Variants in MRC2 observed in about 807,000 individuals in gnomAD.
MRC2 encodes the protein C-type mannose receptor 2.
A neutral mutation model predicts 206.2 loss-of-function variants in MRC2; 84 were observed. The ratio of observed to expected loss-of-function variants is 0.41; its 90% CI spans 0.34 to 0.49. MRC2 has a LOEUF of 0.49. Ranked by LOEUF, MRC2 falls within the 20% of genes least tolerant of loss-of-function variation. MRC2 has a pLI of 0.31. For synonymous variants in MRC2, 798 were observed against 800.0 expected (o/e 1.00, Z 0.04); for missense variants, 1,676 against 2,001.5 (o/e 0.84, Z 3.10).
chr17:62,635,756 C>T (rs2088305791), intron 1 of MRC2, among the ~76,000 whole-genome samples: 1 of 151,724 alleles, frequency 6.6e-6, no homozygotes, highest in African/African-American at 2.4e-5. Flanking sequence ...TTGAGACCAG[C>T]TGGGGCAACA....
At chr17:62,690,516 A>G in intron 26 of MRC2, 126 bp from the exon 27 acceptor site, 1 of 1,437,662 alleles carries the variant, frequency 7.0e-7, no homozygotes, top group Non-Finnish European at 9.4e-7. Context: ...ACACACACAC[A>G]CATGAATCCA....
In MRC2 at chr17:62,688,879, C is replaced by T. The variant is rs2089065502; in HGVS notation, c.3253C>T (p.Pro1085Ser). 3 of 1,612,946 alleles carry T rather than the reference C, an allele frequency of 1.9e-6. No individual in the cohort carries two copies. The highest frequency in any genetic ancestry group is 4.5e-5 in the East Asian group (2 of 44,878). ...CAGCTGTGCAGTGGTCCTGCACAGC[C>T]CCTCAGCCCACTTCACTGGCCGCTG... The part of the protein sequence containing the change: ...PTSCAVVLHS[P>S]SAHFTGRWDD... Residue 1085 changes from proline to serine, a missense_variant, in exon 23 of 30, where the codon CCC becomes TCC. Coordinates refer to ENST00000303375, the MANE Select transcript of MRC2 (RefSeq NM_006039.5).
At chr17:62,690,880 A>T (rs1000763663) in intron 27 of MRC2, 69 bp from the exon 28 acceptor site, 1 of 1,494,472 alleles carries the variant, frequency 6.7e-7, no homozygotes, top group African/African-American at 1.4e-5. Flanking sequence ...GTTCTAGAAC[A>T]CACCTGCTCT....
At chr17:62,681,965 C>T (rs371286514) in intron 19 of MRC2, 28 bp downstream of exon 19, 1 of 1,591,896 alleles carries the variant, frequency 6.3e-7, no homozygotes, top group Non-Finnish European at 8.6e-7. Flanking sequence ...GCAGAGTGCG[C>T]AGTCAGCTGT....
chr17:62,651,195 T>C (rs2088551828), intron 1 of MRC2, among the ~76,000 whole-genome samples: 1 of 152,064 alleles, frequency 6.6e-6, no homozygotes, highest in Admixed American at 6.6e-5. Context: ...GCAATTCTTC[T>C]GCCTCAGCCT....
chr17:62,658,439 G>T (rs1034259907), intron 1 of MRC2, among the ~76,000 whole-genome samples: 11 of 152,172 alleles, frequency 7.2e-5, no homozygotes, highest in African/African-American at 2.7e-4. Context: ...GGAGGAAACT[G>T]AGGCCTGAAA....
chr17:62,645,865 T>C (rs2088477791), intron 1 of MRC2, among the ~76,000 whole-genome samples: 1 of 151,262 alleles, frequency 6.6e-6, no homozygotes, highest in Non-Finnish European at 1.5e-5. Context: ...TTTATAGAGA[T>C]GTTTTCATGT....
Position 62,688,858 on chromosome 17 carries a change from T to C in MRC2, c.3232T>C (p.Cys1078Arg). ...PAPSGNKPTSCAVVLHSPSAH... is the reference protein window; with the variant it reads ...PAPSGNKPTSRAVVLHSPSAH... ...AGCAGCTCCCTCCCCCCAGACCAGCTGTGCAGTGGTCCTGCACAGCCCCTC... is the reference window on the plus strand; with the variant it reads ...AGCAGCTCCCTCCCCCCAGACCAGCCGTGCAGTGGTCCTGCACAGCCCCTC... Residue 1078 changes from cysteine to arginine, a missense_variant, in exon 23 of 30, where the codon TGT becomes CGT. Transcript: ENST00000303375. The C allele has an allele frequency of 6.2e-7, 1 of 1,610,900 alleles. No individual in the cohort carries two copies. The highest frequency in any genetic ancestry group is 8.5e-7 in the Non-Finnish European group (1 of 1,179,020).
Position 62,680,603 on chromosome 17 carries a change from C to G in MRC2, c.2473+150C>G. On this transcript the variant is annotated intron_variant, in intron 16 of 29. Transcript: ENST00000303375. This position sits in a 1 kb window ranked among gnomAD's most constrained non-coding sequence, Gnocchi z 4.8. ...GGGTTGGCTCGGACGGAGGCAGCCA[C>G]AGCCCTGTTTGCTTCCGTGTGGGAG... is the stretch of plus-strand genomic sequence containing the variant. The G allele has an allele frequency of 7.6e-7, 1 of 1,313,912 alleles. No individual in the cohort carries two copies. Among genetic ancestry groups the G allele is most frequent in the Non-Finnish European group, 1.0e-6 (1 of 958,114 alleles). 81.4% of individuals were successfully genotyped at this position (1,313,912 alleles called of 1,614,324 possible).
In MRC2 at chr17:62,676,511, A is replaced by G; in HGVS notation, c.1814A>G (p.His605Arg). ...WLSGDEVMYT[H>R]WNRDQPGYSR... ...AGTGGGGATGAAGTCATGTACACCCACTGGAACCGGGACCAGCCCGGTGAG... is the reference window on the plus strand; with the variant it reads ...AGTGGGGATGAAGTCATGTACACCCGCTGGAACCGGGACCAGCCCGGTGAG... Residue 605 changes from histidine (H) to arginine (R), a missense_variant, in exon 11 of 30, where the codon CAC becomes CGC. Physicochemically the swap from His to Arg is conservative, Grantham distance 29. This residue lies in a region of MRC2 where 1,354 missense variants were observed against 1,636.6 expected (regional missense o/e 0.83). Transcript: ENST00000303375. The G allele has an allele frequency of 6.2e-7, 1 of 1,600,576 alleles. No individual in the cohort carries two copies. The highest frequency in any genetic ancestry group is 8.5e-7 in the Non-Finnish European group (1 of 1,173,390).
rs2088563771 is a variant in MRC2 at position 62,652,220 on chromosome 17, C to A, written c.119-12328C>A. Among the ~76,000 whole-genome samples, 1 of 152,238 alleles carries A rather than the reference C, an allele frequency of 6.6e-6. No individual in the cohort carries two copies. The highest frequency in any genetic ancestry group is 2.4e-5 in the African/African-American group (1 of 41,452). ...CCTAATAAAGTCACGCAGTCACTCACTGGTTCGTCCTCAATCAACCAGGCG... is the reference window on the plus strand; with the variant it reads ...CCTAATAAAGTCACGCAGTCACTCAATGGTTCGTCCTCAATCAACCAGGCG... On this transcript the variant is annotated intron_variant, in intron 1 of 29. Coordinates refer to ENST00000303375, the MANE Select transcript of MRC2 (RefSeq NM_006039.5). This position sits in a 1 kb window ranked among gnomAD's most constrained non-coding sequence, Gnocchi z 4.6.
At chr17:62,668,342 A>G (rs1281865192) in intron 6 of MRC2, among the ~76,000 whole-genome samples, 1 of 149,862 alleles carries the variant, frequency 6.7e-6, no homozygotes, top group Non-Finnish European at 1.5e-5. Flanking sequence ...ACAGAGCGAG[A>G]CGAGACCCTG....
At chr17:62,640,753 C>T (rs1439596875) in intron 1 of MRC2, among the ~76,000 whole-genome samples, 5 of 151,096 alleles carry the variant, frequency 3.3e-5, no homozygotes, top group African/African-American at 9.7e-5. Flanking sequence ...GGCACGATCT[C>T]GGCTCACTGC....
intron 18 of MRC2, chr17:62,681,514 G>A (rs2088966301): frequency 2.2e-6 from 1 of 453,816 alleles, no homozygotes; most frequent in Non-Finnish European, 3.9e-6. Flanking sequence ...GTACTGGGGG[G>A]CTTGAGGCAG....
chr17:62,689,562 C>A lies in MRC2; in HGVS notation c.3375C>A (p.Ala1125=). 5 of 1,598,640 alleles carry A rather than the reference C, an allele frequency of 3.1e-6. No individual in the cohort carries two copies. The highest frequency in any genetic ancestry group is 1.1e-5 in the South Asian group (1 of 88,538). ...CGTCCCCAGCAGCGCTGCCCCCCGC[C>A]CCGGGCACTGAGCTCTCCTACCTCA... ...LSPSPAALPP[A]PGTELSYLNG... Residue 1125 remains alanine (A), a synonymous_variant, in exon 24 of 30, where the codon GCC becomes GCA. Coordinates refer to ENST00000303375, the MANE Select transcript of MRC2 (RefSeq NM_006039.5).
chr17:62,677,591 A>C, intron 12 of MRC2, 105 bp downstream of exon 12: 2 of 1,026,546 alleles, frequency 1.9e-6, no homozygotes, highest in South Asian at 1.7e-5. Flanking sequence ...GAGACACACC[A>C]GGCTGCAGAC....
rs1185570771 is a variant in MRC2 at position 62,664,479 on chromosome 17, C to A, written c.119-69C>A. The A allele has an allele frequency of 1.4e-5, 22 of 1,519,118 alleles. No homozygotes were observed. Among genetic ancestry groups the A allele is most frequent in the Non-Finnish European group, 6.2e-6 (7 of 1,126,368 alleles). 94.1% of individuals were successfully genotyped at this position (1,519,118 alleles called of 1,614,324 possible). A position where few individuals can be genotyped will look rare whatever the true frequency, so the allele number is the denominator to read the frequency against. On this transcript the variant is annotated intron_variant, in intron 1 of 29. Coordinates refer to ENST00000303375, the MANE Select transcript of MRC2 (RefSeq NM_006039.5). This position sits in a 1 kb window ranked among gnomAD's most constrained non-coding sequence, Gnocchi z 4.7. ...TGGGCACATGGTAGGTGCCTGTCAGCCACACCGGTCATCAAGGGCCAACCA... is the reference window on the plus strand; with the variant it reads ...TGGGCACATGGTAGGTGCCTGTCAGACACACCGGTCATCAAGGGCCAACCA...
At chr17:62,654,613 G>A (rs945951992) in intron 1 of MRC2, among the ~76,000 whole-genome samples, 1 of 152,098 alleles carries the variant, frequency 6.6e-6, no homozygotes, top group Non-Finnish European at 1.5e-5. Context: ...TTGCTCCAGA[G>A]ACACAAACTG....
chr17:62,652,418 A>G lies in MRC2; in HGVS notation c.119-12130A>G, dbSNP rs1353109617. ...CACAAGTGATCGCGTGGCCACGGCG[A>G]GGCTCTGCCTCCGCCCCCGCGCTCC... is the stretch of plus-strand genomic sequence containing the variant. On this transcript the variant is annotated intron_variant, in intron 1 of 29. Transcript: ENST00000303375. The surrounding 1 kb of genome is among the most constrained non-coding windows in gnomAD (Gnocchi z 4.6). Among the ~76,000 whole-genome samples, 3 of 152,232 alleles carry G rather than the reference A, an allele frequency of 2.0e-5. No individual in the cohort carries two copies. The East Asian group carries it at 5.8e-4, about 29-fold the overall frequency.
Sources: gnomAD v4.1 joint callset for allele counts (sites outside exome capture counted in the v4.1 genomes callset) on GRCh38, gnomAD v4.1.1 for gene constraint, gnomAD v4.1.1 regional missense constraint, Gnocchi (gnomAD v3.1) non-coding constraint, MANE v1.5 for transcripts, NCBI Gene and HGNC (gene_info 2026-07-23, HGNC 2026-07-21) for gene names.